Variants in CNTN3 observed in about 807,000 individuals in gnomAD.
The protein encoded by CNTN3 is contactin-3.
In CNTN3, 60 loss-of-function variants were observed where a neutral mutation model predicts 119.1. The observed-to-expected ratio is 0.50, with a 90% CI of 0.41 to 0.62. The LOEUF (loss-of-function observed/expected upper bound fraction) is 0.62, where lower values mean the gene tolerates loss of function less well. CNTN3 is among the 20% of genes least tolerant of loss of function. CNTN3 has a pLI of 0.00. For synonymous variants in CNTN3, 450 were observed against 438.7 expected (o/e 1.03, Z -0.32); for missense variants, 1,101 against 1,242.4 (o/e 0.89, Z 1.71).
At position 74,299,282 on chromosome 3, in the gene CNTN3, TC is replaced by T. The variant is rs574827005; in HGVS notation, c.2166+585del. Among the ~76,000 whole-genome samples the T allele has an allele frequency of 6.6e-5, 10 of 152,306 alleles. No homozygotes were observed. The South Asian group carries it at 1.9e-3, about 28-fold the overall frequency. On this transcript the variant is annotated intron_variant, in intron 17 of 22. Coordinates refer to ENST00000263665, the MANE Select transcript of CNTN3 (RefSeq NM_020872.3). The stretch of plus-strand genomic sequence containing the variant: ...TCGTGTCAAAAATTTTGTTGACACA[TC>T]ATCAGCATCTTCAAAAAATGCAGGT...
rs1224289911 is a variant in CNTN3, at chr3:74,298,107, T to C, written c.2251A>G (p.Thr751Ala). 1 of 1,613,746 alleles carries C rather than the reference T, an allele frequency of 6.2e-7. No homozygotes were observed. Among genetic ancestry groups the C allele is most frequent in the Non-Finnish European group, 8.5e-7 (1 of 1,179,852 alleles). The change falls in exon 18 of 23, where the codon ACA becomes GCA. Residue 751 changes from threonine to alanine, a missense_variant. By Grantham distance (58) the Thr-to-Ala change is moderately conservative. Transcript: ENST00000263665. ...GGGGTGTCAGGGGATGTCACCACTG[T>C]CTGGATCCAGGTGGTAACCCCAAGA... The part of the protein sequence containing the change: ...RPLGVTTWIQ[T>A]VVTSPDTPRY...
chr3:74,380,738 G>C (rs1417279821), intron 5 of CNTN3, among the ~76,000 whole-genome samples: 1 of 152,180 alleles, frequency 6.6e-6, no homozygotes, highest in Non-Finnish European at 1.5e-5. Flanking sequence ...CATACAGACA[G>C]GGAAAATGTG....
At chr3:74,567,699 T>C (rs953704785) in intron 1 of CNTN3, among the ~76,000 whole-genome samples, 6 of 152,106 alleles carry the variant, frequency 3.9e-5, no homozygotes, top group African/African-American at 9.7e-5. Context: ...TGACAGTCGA[T>C]GATGCTTCTG....
At position 74,592,364 on chromosome 3, in the gene CNTN3, T is replaced by A. The variant is rs188996986; in HGVS notation, c.-81+22027A>T. 7.9e-5 allele frequency among the ~76,000 whole-genome samples: 12 copies of A among 151,892 alleles called. No homozygotes were observed. The East Asian group carries it at 2.3e-3, about 30-fold the overall frequency. On this transcript the variant is annotated intron_variant, in intron 1 of 22. Coordinates refer to ENST00000263665, the MANE Select transcript of CNTN3 (RefSeq NM_020872.3). ...CCATTACTGACTGCAATATAGAGTATGATGAGAAATGTTGATTTATGTAGA... is the reference window on the plus strand; with the variant it reads ...CCATTACTGACTGCAATATAGAGTAAGATGAGAAATGTTGATTTATGTAGA...
chr3:74,335,224 A>C (rs979873864), intron 12 of CNTN3, among the ~76,000 whole-genome samples: 1 of 152,030 alleles, frequency 6.6e-6, no homozygotes, highest in Non-Finnish European at 1.5e-5. Flanking sequence ...ACTTAGTTTT[A>C]TTGTTTTTTG....
At chr3:74,363,107 C>T (rs1317171235) in intron 10 of CNTN3, among the ~76,000 whole-genome samples, 3 of 152,124 alleles carry the variant, frequency 2.0e-5, no homozygotes, top group Admixed American at 2.0e-4. Context: ...TAATTTATTG[C>T]AATATAATTA....
intron 4 of CNTN3, among the ~76,000 whole-genome samples, chr3:74,431,204 A>C (rs1701778124): frequency 6.6e-6 from 1 of 152,208 alleles, no homozygotes; most frequent in Non-Finnish European, 1.5e-5. Flanking sequence ...TGCAGTAGCA[A>C]GGAAAACTCC....
chr3:74,299,049 A>T (rs368544921), intron 17 of CNTN3, among the ~76,000 whole-genome samples: 1 of 152,094 alleles, frequency 6.6e-6, no homozygotes, highest in East Asian at 1.9e-4. Context: ...TCTACTAAAA[A>T]TACAAAAATT....
intron 5 of CNTN3, among the ~76,000 whole-genome samples, chr3:74,417,330 G>A (rs780784845): frequency 3.3e-5 from 5 of 152,206 alleles, no homozygotes; most frequent in Middle Eastern, 6.8e-3. Context: ...GGCAGTATTC[G>A]ACAAGTATCA....
intron 1 of CNTN3, among the ~76,000 whole-genome samples, chr3:74,548,078 T>C (rs11128393): frequency 0.16 from 24,360 of 152,150 alleles, 2,578 homozygotes; most frequent in East Asian, 0.36. Context: ...AAACACTATC[T>C]TTGGTATACA....
intron 1 of CNTN3, among the ~76,000 whole-genome samples, chr3:74,611,499 T>C (rs945921835): frequency 6.6e-6 from 1 of 152,192 alleles, no homozygotes; most frequent in Non-Finnish European, 1.5e-5. Context: ...GGGGAGACTA[T>C]AAGATAAAAA....
At chr3:74,522,452 T>G (rs568286639) in intron 1 of CNTN3, among the ~76,000 whole-genome samples, 1 of 152,048 alleles carries the variant, frequency 6.6e-6, no homozygotes, top group African/African-American at 2.4e-5. Flanking sequence ...GCAAACTGCA[T>G]GTCTCAGTTT....
intron 5 of CNTN3, among the ~76,000 whole-genome samples, chr3:74,375,615 G>C (rs996065037): frequency 6.6e-6 from 1 of 152,058 alleles, no homozygotes; most frequent in African/African-American, 2.4e-5. Flanking sequence ...AAGGAAACGT[G>C]ACCACAGAAC....
At chr3:74,611,445 A>G (rs778632343) in intron 1 of CNTN3, among the ~76,000 whole-genome samples, 39 of 152,110 alleles carry the variant, frequency 2.6e-4, no homozygotes, top group Non-Finnish European at 4.1e-4. Flanking sequence ...TCCTGCAGCA[A>G]TTTTTCCAAA....
At chr3:74,553,104 G>T (rs1366217716) in intron 1 of CNTN3, among the ~76,000 whole-genome samples, 1 of 75,400 alleles carries the variant, frequency 1.3e-5, no homozygotes, top group African/African-American at 5.0e-5. Flanking sequence ...AACCCCCACA[G>T]GCCCCCGTGT....
intron 11 of CNTN3, among the ~76,000 whole-genome samples, chr3:74,349,411 G>A (rs1007052686): frequency 3.3e-5 from 5 of 152,162 alleles, no homozygotes; most frequent in African/African-American, 1.2e-4. Context: ...TAACAATAAA[G>A]CTGGACCTTG....
At chr3:74,336,910 G>A (rs1250982131) in intron 11 of CNTN3, among the ~76,000 whole-genome samples, 2 of 151,928 alleles carry the variant, frequency 1.3e-5, no homozygotes, top group Non-Finnish European at 2.9e-5. Flanking sequence ...TTTTTACTCA[G>A]CATTACTTAT....
At chr3:74,556,406 T>C (rs1704069748) in intron 1 of CNTN3, among the ~76,000 whole-genome samples, 1 of 152,182 alleles carries the variant, frequency 6.6e-6, no homozygotes, top group South Asian at 2.1e-4. Flanking sequence ...ATAAAATATG[T>C]GATCTTTTGT....
chr3:74,306,902 T>C (rs748298644), intron 13 of CNTN3, among the ~76,000 whole-genome samples: 8 of 152,148 alleles, frequency 5.3e-5, no homozygotes, highest in Non-Finnish European at 1.2e-4. Flanking sequence ...TCATAGGGCA[T>C]AGAGTTGGAA....
Sources: allele counts gnomAD v4.1 joint callset (sites outside exome capture counted in the v4.1 genomes callset), GRCh38; gene constraint gnomAD v4.1.1; transcripts MANE v1.5; gene names NCBI Gene and HGNC (gene_info 2026-07-23, HGNC 2026-07-21).